Variants in LRCH3 observed in about 807,000 individuals in gnomAD.
LRCH3 encodes the protein leucine rich repeats and calponin homology domain containing 3.
In LRCH3, 68 loss-of-function variants were observed where a neutral mutation model predicts 104.5. The ratio of observed to expected loss-of-function variants is 0.65; its 90% confidence interval spans 0.54 to 0.80. LRCH3 has a LOEUF of 0.80. Ranked by LOEUF, LRCH3 falls within the 30% of genes least tolerant of loss-of-function variation. The pLI, the probability that LRCH3 is intolerant of heterozygous loss-of-function variation, is 0.00. For missense variants in LRCH3, 951 were observed against 953.9 expected (o/e 1.00, Z 0.04); for synonymous variants, 344 against 361.3 (o/e 0.95, Z 0.54).
chr3:197,812,014 T>A (rs1456525365), intron 1 of LRCH3, among the ~76,000 whole-genome samples: 1 of 152,228 alleles, frequency 6.6e-6, no homozygotes, highest in Non-Finnish European at 1.5e-5. Context: ...ATGTTTGATT[T>A]TTTAAATTGT....
intron 5 of LRCH3, among the ~76,000 whole-genome samples, chr3:197,828,703 CT>C (rs752665561): frequency 0.02 from 2,247 of 112,838 alleles, 37 homozygotes; most frequent in African/African-American, 0.058. Flanking sequence ...ATATGTTACT[CT>C]TTTTTTTTTT....
intron 1 of LRCH3, among the ~76,000 whole-genome samples, chr3:197,792,318 G>A (rs935715813): frequency 1.3e-5 from 2 of 151,676 alleles, no homozygotes; most frequent in African/African-American, 4.8e-5. Flanking sequence ...TAACATATTT[G>A]TACTTGCTAT....
chr3:197,849,810 T>G (rs549868181), intron 12 of LRCH3, among the ~76,000 whole-genome samples: 1 of 152,182 alleles, frequency 6.6e-6, no homozygotes, highest in Non-Finnish European at 1.5e-5. Context: ...GATAGACCTT[T>G]ATGGAATGCT....
chr3:197,817,579 G>T lies in LRCH3; in HGVS notation c.534+277G>T, dbSNP rs553179918. 2.4e-3 allele frequency among the ~76,000 whole-genome samples: 362 copies of T among 151,338 alleles called. 2 individuals carry two copies. The highest frequency in any genetic ancestry group is 8.1e-3 in the African/African-American group (333 of 41,216). On this transcript the variant is annotated intron_variant, in intron 3 of 20. Coordinates refer to ENST00000425562, the MANE Select transcript of LRCH3 (RefSeq NM_001365715.1). ...AATTGGCCCACACAGATGGGAAAAG[G>T]TCATTAGAATTAGGTTCTAACCAAT...
chr3:197,839,413 T>G lies in LRCH3; in HGVS notation c.1328+16T>G, dbSNP rs372138330. Reference sequence around the variant, plus strand: ...ATCAAAACAGGTTTGAAAAACCAATTCTACTTAATTTGTTTCTGTCTTAAT... The same window carrying G: ...ATCAAAACAGGTTTGAAAAACCAATGCTACTTAATTTGTTTCTGTCTTAAT... On this transcript the variant is annotated intron_variant, in intron 10 of 20. Transcript: ENST00000425562. 4.1e-6 allele frequency: 6 copies of G among 1,479,450 alleles called. No individual in the cohort carries two copies. The Admixed American group carries it at 1.3e-4, about 32-fold the overall frequency. 91.6% of individuals were successfully genotyped at this position (1,479,450 alleles called of 1,614,324 possible).
chr3:197,879,871 A>G (rs969852510), intron 20 of LRCH3, among the ~76,000 whole-genome samples: 2 of 151,566 alleles, frequency 1.3e-5, no homozygotes, highest in Non-Finnish European at 2.9e-5. Flanking sequence ...GAGTCAGGAA[A>G]GAGGTTGCTT....
intron 4 of LRCH3, among the ~76,000 whole-genome samples, chr3:197,824,731 CT>C (rs1427103884): frequency 1.3e-5 from 2 of 151,308 alleles, no homozygotes; most frequent in Non-Finnish European, 2.9e-5. Flanking sequence ...GCCACCACGC[CT>C]GGCTAACTTT....
Position 197,868,144 on chromosome 3 carries a change from T to C in LRCH3, c.1873+1925T>C, listed in dbSNP as rs74692758. ...GAGTGTAAGAAAGCATGGAAGACTG[T>C]TATCAGTCAGCCTCTGTACCCACAG... On this transcript the variant is annotated intron_variant, in intron 17 of 20. Transcript: ENST00000425562. Among the ~76,000 whole-genome samples the C allele has an allele frequency of 3.5e-3, 526 of 152,336 alleles. 2 individuals are homozygous for C. The highest frequency in any genetic ancestry group is 9.4e-3 in the African/African-American group (389 of 41,576).
At chr3:197,864,039 C>G (rs1041266119) in intron 15 of LRCH3, among the ~76,000 whole-genome samples, 1 of 152,242 alleles carries the variant, frequency 6.6e-6, no homozygotes, top group Non-Finnish European at 1.5e-5. Context: ...GGCGTGGTGG[C>G]TCATGCCTAT....
intron 6 of LRCH3, among the ~76,000 whole-genome samples, 199 bp downstream of exon 6, chr3:197,829,872 G>A (rs1401913945): frequency 6.6e-6 from 1 of 152,174 alleles, no homozygotes; most frequent in Non-Finnish European, 1.5e-5. Flanking sequence ...CCTTGGCACT[G>A]TTGACATTTT....
intron 10 of LRCH3, among the ~76,000 whole-genome samples, chr3:197,844,164 C>CT (rs944604741): frequency 2.0e-5 from 3 of 152,232 alleles, no homozygotes; most frequent in Admixed American, 1.3e-4. Context: ...ACCCAGGAGT[C>CT]TGAGTAAAGC....
At chr3:197,809,860 T>C (rs1358655320) in intron 1 of LRCH3, among the ~76,000 whole-genome samples, 1 of 152,198 alleles carries the variant, frequency 6.6e-6, no homozygotes, top group Non-Finnish European at 1.5e-5. Flanking sequence ...TGGTCTAGCA[T>C]CTCTGTCATC....
At chr3:197,841,923 C>T (rs1737859658) in intron 10 of LRCH3, among the ~76,000 whole-genome samples, 1 of 152,108 alleles carries the variant, frequency 6.6e-6, no homozygotes, top group African/African-American at 2.4e-5. Flanking sequence ...GCCTCTACCT[C>T]CCAGGCTCAA....
intron 1 of LRCH3, among the ~76,000 whole-genome samples, chr3:197,812,505 T>TTTTTTTTTTTG (rs1733265038): frequency 1.2e-5 from 1 of 83,464 alleles, no homozygotes; most frequent in Non-Finnish European, 2.2e-5. Context: ...CTGCTTTCAG[T>TTTTTTTTTTTG]TTTTTTTTTT....
At chr3:197,830,656 C>T (rs1735807112) in intron 6 of LRCH3, 114 bp from the exon 7 acceptor site, 2 of 769,900 alleles carry the variant, frequency 2.6e-6, no homozygotes, top group South Asian at 3.5e-5. Context: ...CCATTTAGTT[C>T]TAATAGTTAA....
At position 197,885,680 on chromosome 3, in the gene LRCH3, A is replaced by C. The variant is rs959762849; in HGVS notation, c.*2014A>C. 1.3e-5 allele frequency: 2 copies of C among 152,168 alleles called. No homozygotes were observed. The highest frequency in any genetic ancestry group is 2.9e-5 in the Non-Finnish European group (2 of 68,030). 9.4% of individuals were successfully genotyped at this position (152,168 alleles called of 1,614,324 possible). A position where few individuals can be genotyped will look rare whatever the true frequency, so the allele number is the denominator to read the frequency against. ...TATATACTCAATGATGGGTGGAGGAAAAGGGCCCAAGGGCTCACACCGCAC... is the reference window on the plus strand; with the variant it reads ...TATATACTCAATGATGGGTGGAGGACAAGGGCCCAAGGGCTCACACCGCAC... On this transcript the variant is annotated 3_prime_UTR_variant, in exon 21 of 21. Coordinates refer to ENST00000425562, the MANE Select transcript of LRCH3 (RefSeq NM_001365715.1).
intron 10 of LRCH3, among the ~76,000 whole-genome samples, chr3:197,845,809 G>A (rs1227533911): frequency 5.3e-5 from 8 of 152,308 alleles, no homozygotes; most frequent in South Asian, 2.1e-4. Context: ...GGAGGCTGAC[G>A]CAGAAGAATC....
At chr3:197,865,725 T>C (rs748852025) in intron 16 of LRCH3, among the ~76,000 whole-genome samples, 35 of 152,124 alleles carry the variant, frequency 2.3e-4, no homozygotes, top group Non-Finnish European at 4.3e-4. Context: ...TGTGGCTGCT[T>C]TTTCTGAGAT....
chr3:197,808,184 G>A (rs570303722), intron 1 of LRCH3, among the ~76,000 whole-genome samples: 155 of 152,316 alleles, frequency 1.0e-3, no homozygotes, highest in Non-Finnish European at 1.3e-3. Context: ...TGATGTCCCT[G>A]TGAGAGGAGA....
Sources: gnomAD v4.1 joint callset for allele counts (sites outside exome capture counted in the v4.1 genomes callset) on GRCh38, gnomAD v4.1.1 for gene constraint, MANE v1.5 for transcripts, NCBI Gene and HGNC (gene_info 2026-07-23, HGNC 2026-07-21) for gene names.